The following TNRC6A variants were observed in gnomAD, a reference collection of about 807,000 sequenced individuals.
The protein encoded by TNRC6A is trinucleotide repeat containing adaptor 6A.
Under a neutral mutation model 221.2 loss-of-function variants are expected in TNRC6A, and 44 were observed. The observed-to-expected ratio is 0.20, with a 90% confidence interval of 0.16 to 0.26. TNRC6A has a LOEUF of 0.26. Among genes scored for constraint, TNRC6A ranks in the 10% least tolerant of loss-of-function variants. The probability of loss-of-function intolerance (pLI) is 1.00; values close to 1 mark genes in which losing one functional copy is unlikely to be tolerated. For missense variants in TNRC6A, 2,199 were observed against 2,404.4 expected, an observed-to-expected ratio of 0.91 and a Z score of 1.79; for synonymous variants, 847 against 838.5, an observed-to-expected ratio of 1.01 and a Z score of -0.18.
intron 2 of TNRC6A, among the ~76,000 whole-genome samples, chr16:24,714,856 A>G (rs1408452521): frequency 6.7e-6 from 1 of 148,380 alleles, no homozygotes; most frequent in Non-Finnish European, 1.5e-5. Flanking sequence ...TTTTTTGCTT[A>G]TCTGGTACAT....
At chr16:24,671,010 C>A in intron 2 of TNRC6A, 1 of 392,710 alleles carries the variant, frequency 2.5e-6, no homozygotes, top group South Asian at 1.8e-5. Flanking sequence ...CAGCACATTC[C>A]TCATCTTCCT....
At chr16:24,656,466 CAA>C (rs71156432) in intron 2 of TNRC6A, among the ~76,000 whole-genome samples, 5 of 122,948 alleles carry the variant, frequency 4.1e-5, no homozygotes, top group Admixed American at 8.7e-5. Context: ...GACTCCATCT[CAA>C]AAAAAAAAAA....
intron 12 of TNRC6A, 24 bp from the exon 13 acceptor site, chr16:24,804,681 A>T (rs1249401352): frequency 1.3e-6 from 2 of 1,555,192 alleles, no homozygotes; most frequent in African/African-American, 1.4e-5. Flanking sequence ...CTGGTGTTGC[A>T]CATCTTTCTG....
rs566195176 is a variant in TNRC6A, at chr16:24,690,564, A to C, written n.402+49555A>C. On this transcript the variant is annotated intron_variant and non_coding_transcript_variant, in intron 2 of 2. Transcript: ENST00000566108. ...CTGTTCACAAGTATTATTTTACTTCATCTCCATTTCATAGATAAGGGAAAC... is the reference window on the plus strand; with the variant it reads ...CTGTTCACAAGTATTATTTTACTTCCTCTCCATTTCATAGATAAGGGAAAC... Among the ~76,000 whole-genome samples, 11 of 152,234 alleles carry C rather than the reference A, an allele frequency of 7.2e-5. No homozygotes were observed. In the South Asian group the frequency reaches 2.3e-3, roughly 32 times the overall value.
chr16:24,727,422 C>T (rs2056510935), upstream of TNRC6A, among the ~76,000 whole-genome samples: 2 of 152,108 alleles, frequency 1.3e-5, no homozygotes, highest in Admixed American at 6.5e-5. Context: ...CAGATACTCC[C>T]GTGTTGTAGG....
rs895565345 is a variant in TNRC6A, at chr16:24,776,715, G to A, written c.164-218G>A. On this transcript the variant is annotated intron_variant, in intron 4 of 24. Transcript: ENST00000395799. ...TGTTGTCTTGGCCGAAGGTCCCTGGGCCCTTATTGGGTAGGTAGGTAGCAG... is the reference window on the plus strand; with the variant it reads ...TGTTGTCTTGGCCGAAGGTCCCTGGACCCTTATTGGGTAGGTAGGTAGCAG... The A allele has an allele frequency of 6.1e-6, 6 of 985,330 alleles. No individual in the cohort carries two copies. The Admixed American group carries it at 2.5e-4, about 40-fold the overall frequency. 61.0% of individuals were successfully genotyped at this position (985,330 alleles called of 1,614,324 possible).
exon 1 of TNRC6A, chr16:24,610,234 G>A (rs1899980886): frequency 6.6e-6 from 1 of 152,272 alleles, no homozygotes; most frequent in Non-Finnish European, 1.5e-5. Flanking sequence ...GATGTTGGAG[G>A]CGGCATGTGA....
At chr16:24,740,366 G>A (rs1260261957) in intron 2 of TNRC6A, among the ~76,000 whole-genome samples, 1 of 152,178 alleles carries the variant, frequency 6.6e-6, no homozygotes, top group Non-Finnish European at 1.5e-5. Flanking sequence ...ATTTTGATAG[G>A]AACAGTGTTG....
chr16:24,718,149 A>G (rs1039319400), intron 2 of TNRC6A, among the ~76,000 whole-genome samples: 5 of 152,142 alleles, frequency 3.3e-5, no homozygotes, highest in Admixed American at 6.6e-5. Context: ...TAGGTACTGG[A>G]GAATACAACA....
chr16:24,797,569 C>CGGTAAGTAT lies in TNRC6A; in HGVS notation c.3642+1_3642+9dup. The CGGTAAGTAT allele has an allele frequency of 6.2e-7, 1 of 1,607,946 alleles. No individual in the cohort carries two copies. On this transcript the variant is annotated inframe_insertion and splice_region_variant, in exon 10 of 25. Transcript: ENST00000395799. ...AAACAGTTTTCAAACATCAGTTTTT[C>CGGTAAGTAT]GGTAAGTATGTTTTCTTAGCAGCTC...
intron 1 of TNRC6A, among the ~76,000 whole-genome samples, chr16:24,615,806 C>T (rs1423202069): frequency 6.6e-6 from 1 of 151,092 alleles, no homozygotes; most frequent in African/African-American, 2.4e-5. Context: ...TAAGAGGATC[C>T]CTTGAGGCCA....
At chr16:24,655,361 A>G (rs1427223856) in intron 2 of TNRC6A, among the ~76,000 whole-genome samples, 3 of 152,190 alleles carry the variant, frequency 2.0e-5, no homozygotes, top group African/African-American at 7.2e-5. Context: ...ATTTATTTTT[A>G]TTATAGGCCT....
intron 2 of TNRC6A, among the ~76,000 whole-genome samples, chr16:24,714,475 A>T (rs2056274425): frequency 6.7e-6 from 1 of 149,854 alleles, no homozygotes; most frequent in African/African-American, 2.5e-5. Context: ...AACCCGGCTA[A>T]TTTTTTTTTA....
At chr16:24,650,319 T>C (rs1902567748) in intron 2 of TNRC6A, among the ~76,000 whole-genome samples, 1 of 152,210 alleles carries the variant, frequency 6.6e-6, no homozygotes. Flanking sequence ...ATTCATACTG[T>C]CTGGATAAAA....
intron 13 of TNRC6A, 44 bp downstream of exon 13, chr16:24,804,895 T>C (rs2058398998): frequency 6.2e-7 from 1 of 1,613,466 alleles, no homozygotes; most frequent in Non-Finnish European, 8.5e-7. Flanking sequence ...GAATGATTTG[T>C]ATTAGTAATA....
At chr16:24,768,718 C>G (rs941236480) in intron 4 of TNRC6A, among the ~76,000 whole-genome samples, 1 of 152,204 alleles carries the variant, frequency 6.6e-6, no homozygotes, top group East Asian at 1.9e-4. Flanking sequence ...GTCAACTTAG[C>G]ACTCCAGTCT....
At chr16:24,679,123 C>G (rs1050486129) in intron 2 of TNRC6A, among the ~76,000 whole-genome samples, 1 of 151,550 alleles carries the variant, frequency 6.6e-6, no homozygotes, top group Non-Finnish European at 1.5e-5. Flanking sequence ...CTCAGCCTCC[C>G]GAGTAGCTGG....
chr16:24,798,047 A>G, intron 11 of TNRC6A, 81 bp downstream of exon 11: 1 of 1,291,128 alleles, frequency 7.7e-7, no homozygotes, highest in Non-Finnish European at 1.1e-6. Flanking sequence ...AAGAGCCCTG[A>G]CGTAGATCAG....
chr16:24,748,729 C>T (rs937059666), intron 2 of TNRC6A, among the ~76,000 whole-genome samples: 1 of 152,152 alleles, frequency 6.6e-6, no homozygotes, highest in African/African-American at 2.4e-5. Context: ...GCACCTATAG[C>T]AACAACCCCT....
Sources: allele counts gnomAD v4.1 joint callset (sites outside exome capture counted in the v4.1 genomes callset), GRCh38; gene constraint gnomAD v4.1.1; transcripts MANE v1.5; gene names NCBI Gene and HGNC (gene_info 2026-07-23, HGNC 2026-07-21).